The following C4orf54 variants were observed in gnomAD, a reference collection of about 807,000 sequenced individuals.
The protein encoded by C4orf54 is chromosome 4 open reading frame 54, also known as uncharacterized protein C4orf54.
A neutral mutation model predicts 80.1 loss-of-function variants in C4orf54; 67 were observed. That is an observed-to-expected ratio of 0.84 (90% CI 0.69 to 1.03). The LOEUF is 1.03. Ranked by LOEUF, C4orf54 falls within the 50% of genes least tolerant of loss-of-function variation. The pLI, the probability that C4orf54 is intolerant of heterozygous loss-of-function variation, is 0.00. For synonymous variants in C4orf54, 1,000 were observed against 917.0 expected, an observed-to-expected ratio of 1.09 and a Z score of -1.64; for missense variants, 2,434 against 2,253.5, an observed-to-expected ratio of 1.08 and a Z score of -1.62.
rs776253225 is a variant in C4orf54 at position 99,651,870 on chromosome 4, T to C, written c.2779A>G (p.Ser927Gly). 2.8e-5 allele frequency: 43 copies of C among 1,536,002 alleles called. No individual in the cohort carries two copies. In the East Asian group the frequency reaches 9.8e-4, roughly 35 times the overall value. ...GHTEVCEIKK[S>G]ASETVKGIFL... ...ATGCCCTTGACGGTCTCTGAGGCAC[T>C]CTTTTTAATTTCACACACTTCTGTG... The change falls in exon 2 of 3, where the codon AGT becomes GGT. Residue 927 changes from serine (S) to glycine (G), a missense_variant. Physicochemically the swap from Ser to Gly is moderately conservative, Grantham distance 56. Coordinates refer to ENST00000511828, the MANE Select transcript of C4orf54 (RefSeq NM_001354435.2).
At position 99,649,483 on chromosome 4, in the gene C4orf54, G is replaced by A. The variant is rs1418546825; in HGVS notation, c.5166C>T (p.Phe1722=). The A allele has an allele frequency of 1.3e-6, 2 of 1,536,194 alleles. No individual in the cohort carries two copies. The highest frequency in any genetic ancestry group is 8.7e-7 in the Non-Finnish European group (1 of 1,146,928). Residue 1722 remains phenylalanine, a synonymous_variant, in exon 2 of 3, where the codon TTC becomes TTT. Coordinates refer to ENST00000511828, the MANE Select transcript of C4orf54 (RefSeq NM_001354435.2). The part of the protein sequence containing the change: ...EPSSKEAAAT[F]TEAPYFMASG... ...AAGCCATGAAGTATGGGGCCTCGGT[G>A]AACGTTGCAGCTGCCTCTTTGCTGG...
chr4:99,636,587 A>G lies in C4orf54; in HGVS notation c.*4646T>C, dbSNP rs1029342033. ...AACAATAAAACATTTTTTTTCCAAA[A>G]CAGTCAAAATAAAAGACCATTACAC... is the stretch of plus-strand genomic sequence containing the variant. On this transcript the variant is annotated 3_prime_UTR_variant, in exon 3 of 3. Transcript: ENST00000511828. The G allele has an allele frequency of 6.6e-6, 1 of 152,106 alleles. No individual in the cohort carries two copies. Among genetic ancestry groups the G allele is most frequent in the Non-Finnish European group, 1.5e-5 (1 of 68,014 alleles). The allele number at this position is 152,106 out of a possible 1,614,324, so 9.4% of individuals were successfully genotyped here. A position where few individuals can be genotyped will look rare whatever the true frequency, so the allele number is the denominator to read the frequency against.
chr4:99,641,411 C>T (rs1164553087), intron 2 of C4orf54, among the ~76,000 whole-genome samples: 2 of 152,034 alleles, frequency 1.3e-5, no homozygotes, highest in African/African-American at 4.8e-5. Context: ...CAGGAAATTG[C>T]CCCAAGTGGA....
At chr4:99,642,473 G>T (rs1726622741) in intron 2 of C4orf54, among the ~76,000 whole-genome samples, 1 of 152,180 alleles carries the variant, frequency 6.6e-6, no homozygotes, top group Non-Finnish European at 1.5e-5. Context: ...GAGAAATCTG[G>T]TTATACAATC....
chr4:99,654,166 C>T lies in C4orf54; in HGVS notation c.483G>A (p.Val161=), dbSNP rs922506558. Residue 161 remains valine (V), a synonymous_variant, in exon 2 of 3, where the codon GTG becomes GTA. Coordinates refer to ENST00000511828, the MANE Select transcript of C4orf54 (RefSeq NM_001354435.2). ...ELNSKARQAE[V]GDGVSSAQDS... Reference sequence around the variant, plus strand: ...CTTGAGCACTGCTCACCCCGTCCCCCACCTCCGCCTGTCTTGCTTTCGAAT... The same window carrying T: ...CTTGAGCACTGCTCACCCCGTCCCCTACCTCCGCCTGTCTTGCTTTCGAAT... The T allele has an allele frequency of 2.0e-6, 3 of 1,536,076 alleles. No individual in the cohort carries two copies. Among genetic ancestry groups the T allele is most frequent in the Admixed American group, 2.0e-5 (1 of 50,986 alleles).
chr4:99,652,558 C>T lies in C4orf54; in HGVS notation c.2091G>A (p.Gly697=). 6.5e-7 allele frequency: 1 copy of T among 1,536,054 alleles called. No homozygotes were observed. Among genetic ancestry groups the T allele is most frequent in the Non-Finnish European group, 8.7e-7 (1 of 1,146,884 alleles). ...SVAAGLRKGS[G]ARATADQLYI... is the part of the protein sequence containing the mutation. ...AGAGCTGGTCGGCAGTGGCCCGGGC[C>T]CCACTGCCCTTCCTCAGACCTGCAG... is the stretch of plus-strand genomic sequence containing the variant. Residue 697 remains glycine (G), a synonymous_variant, in exon 2 of 3, where the codon GGG becomes GGA. Coordinates refer to ENST00000511828, the MANE Select transcript of C4orf54 (RefSeq NM_001354435.2).
At chr4:99,647,346 A>G (rs180947484) in intron 2 of C4orf54, among the ~76,000 whole-genome samples, 1 of 152,272 alleles carries the variant, frequency 6.6e-6, no homozygotes, top group Admixed American at 6.5e-5. Context: ...GTTGGTCCAA[A>G]ATAGCCCTAG....
In C4orf54 at chr4:99,654,278, T is replaced by A. The variant is rs1726938849; in HGVS notation, c.371A>T (p.Gln124Leu). 3 of 1,535,736 alleles carry A rather than the reference T, an allele frequency of 2.0e-6. No individual in the cohort carries two copies. Among genetic ancestry groups the A allele is most frequent in the Admixed American group, 2.0e-5 (1 of 50,986 alleles). The change falls in exon 2 of 3, where the codon CAA becomes CTA. Residue 124 changes from glutamine (Q) to leucine (L), a missense_variant. Coordinates refer to ENST00000511828, the MANE Select transcript of C4orf54 (RefSeq NM_001354435.2). ...ACAATGGTGATCGCTGGGGAAGTCT[T>A]GGGTCCGTCTCTGGCCCCGGAGGGG... ...LQPLRGQRRT[Q>L]DFPSDHHCLF...
chr4:99,644,830 G>A (rs1228777279), intron 2 of C4orf54, among the ~76,000 whole-genome samples: 1 of 143,684 alleles, frequency 7.0e-6, no homozygotes, highest in Non-Finnish European at 1.5e-5. Context: ...TGAAGTGAAT[G>A]GAAAATGAGA....
rs376511305 is a variant in C4orf54 at position 99,651,511 on chromosome 4, G to C, written c.3138C>G (p.Ala1046=). 72 of 1,536,170 alleles carry C rather than the reference G, an allele frequency of 4.7e-5. 2 individuals carry two copies. Among genetic ancestry groups the C allele is most frequent in the East Asian group, 4.2e-4 (17 of 40,890 alleles). ...CGGCCAGCTTGGGCGTGAGCAACTTGGCAATGTTGAAGTCTGAGCTCGGCT... is the reference window on the plus strand; with the variant it reads ...CGGCCAGCTTGGGCGTGAGCAACTTCGCAATGTTGAAGTCTGAGCTCGGCT... ...VQQPSSDFNI[A]KLLTPKLAGG... Residue 1046 remains alanine (A), a synonymous_variant, in exon 2 of 3, where the codon GCC becomes GCG. Transcript: ENST00000511828.
chr4:99,650,196 G>T lies in C4orf54; in HGVS notation c.4453C>A (p.Leu1485Ile). The change falls in exon 2 of 3, where the codon CTT becomes ATT. Residue 1485 changes from leucine to isoleucine, a missense_variant. Transcript: ENST00000511828. Reference protein sequence around the residue: ...LKGSSAAGELLSRPGASREGP... With the variant: ...LKGSSAAGELISRPGASREGP... Reference sequence around the variant, plus strand: ...TCCCTGGAAGCCCCAGGCCTGCTAAGAAGCTCCCCTGCAGCAGAGCTTCCT... The same window carrying T: ...TCCCTGGAAGCCCCAGGCCTGCTAATAAGCTCCCCTGCAGCAGAGCTTCCT... 1 of 1,536,032 alleles carries T rather than the reference G, an allele frequency of 6.5e-7. No homozygotes were observed. The highest frequency in any genetic ancestry group is 1.2e-5 in the South Asian group (1 of 84,042).
Position 99,653,905 on chromosome 4 carries a change from G to A in C4orf54, c.744C>T (p.Ala248=), listed in dbSNP as rs1196436865. 1 of 1,536,314 alleles carries A rather than the reference G, an allele frequency of 6.5e-7. No homozygotes were observed. The highest frequency in any genetic ancestry group is 2.4e-5 in the East Asian group (1 of 40,908). ...GCTGGGATCTAGAGAGTTGGGAGGA[G>A]GCAGGATTGTTCTGGGGGCTTGGAG... ...SKTPSPQNNP[A]SSQLSRSQHS... The change falls in exon 2 of 3, where the codon GCC becomes GCT. Residue 248 remains alanine (A), a synonymous_variant. Coordinates refer to ENST00000511828, the MANE Select transcript of C4orf54 (RefSeq NM_001354435.2).
rs772155568 is a variant in C4orf54 at position 99,653,562 on chromosome 4, C to T, written c.1087G>A (p.Glu363Lys). Residue 363 changes from glutamate (E) to lysine (K), a missense_variant, in exon 2 of 3, where the codon GAA (glutamate) becomes AAA (lysine). Physicochemically the swap from Glu to Lys is moderately conservative, Grantham distance 56 (BLOSUM62 1). Coordinates refer to ENST00000511828, the MANE Select transcript of C4orf54 (RefSeq NM_001354435.2). ...SQGSRDPPKV[E>K]EAHYITTHEI... is the part of the protein sequence containing the mutation. ...TGGGTGGTGATGTAGTGAGCCTCTT[C>T]GACTTTGGGGGGGTCCCTGCTGCCC... 111 of 1,535,974 alleles carry T rather than the reference C, an allele frequency of 7.2e-5. No homozygotes were observed. The highest frequency in any genetic ancestry group is 6.7e-4 in the Middle Eastern group (4 of 6,012).
At chr4:99,646,952 A>G (rs1054832681) in intron 2 of C4orf54, among the ~76,000 whole-genome samples, 1 of 152,166 alleles carries the variant, frequency 6.6e-6, no homozygotes, top group Non-Finnish European at 1.5e-5. Context: ...GTTTTGAAAA[A>G]TTTTTAATTC....
At position 99,638,412 on chromosome 4, in the gene C4orf54, A is replaced by T. The variant is rs528575605; in HGVS notation, c.*2821T>A. On this transcript the variant is annotated 3_prime_UTR_variant, in exon 3 of 3. Transcript: ENST00000511828. ...TTTCAAATATGACCATTTTATCAAC[A>T]AGTAAAAAGTGGATCTTCTGGAAAA... 6.6e-6 allele frequency: 1 copy of T among 152,280 alleles called. No homozygotes were observed. The highest frequency in any genetic ancestry group is 2.1e-4 in the South Asian group (1 of 4,828). The allele number at this position is 152,280 out of a possible 1,614,324, so 9.4% of individuals were successfully genotyped here. A position where few individuals can be genotyped will look rare whatever the true frequency, so the allele number is the denominator to read the frequency against.
intron 2 of C4orf54, 98 bp downstream of exon 2, chr4:99,649,133 G>T: frequency 1.7e-6 from 2 of 1,144,102 alleles, no homozygotes; most frequent in Non-Finnish European, 2.4e-6. Context: ...CATTTCTAGA[G>T]ACAGCCTCCT....
At position 99,650,899 on chromosome 4, in the gene C4orf54, G is replaced by A; in HGVS notation, c.3750C>T (p.Ala1250=). Reference sequence around the variant, plus strand: ...CAGTCAGCTTCTCCAGGGCATTCCGGGCTGGCTTCGTGGCTTTCCCTTCCT... The same window carrying A: ...CAGTCAGCTTCTCCAGGGCATTCCGAGCTGGCTTCGTGGCTTTCCCTTCCT... The part of the protein sequence containing the change: ...VKEEGKATKP[A]RNALEKLTAA... The change falls in exon 2 of 3, where the codon GCC becomes GCT. Residue 1250 remains alanine (A), a synonymous_variant. Coordinates refer to ENST00000511828, the MANE Select transcript of C4orf54 (RefSeq NM_001354435.2). 6.5e-7 allele frequency: 1 copy of A among 1,536,090 alleles called. No individual in the cohort carries two copies. The highest frequency in any genetic ancestry group is 8.7e-7 in the Non-Finnish European group (1 of 1,146,914).
At position 99,652,827 on chromosome 4, in the gene C4orf54, C is replaced by T. The variant is rs955919554; in HGVS notation, c.1822G>A (p.Gly608Arg). 4.6e-6 allele frequency: 7 copies of T among 1,536,122 alleles called. No homozygotes were observed. Among genetic ancestry groups the T allele is most frequent in the Non-Finnish European group, 6.1e-6 (7 of 1,146,914 alleles). Residue 608 changes from glycine (G) to arginine (R), a missense_variant, in exon 2 of 3, where the codon GGA becomes AGA. Transcript: ENST00000511828. ...AGTTCGCTCACGGCACTGGAGGCTC[C>T]GCTGGAGTAGTCCACCAGCTCCTTC... ...RAKELVDYSS[G>R]ASSAVSELDD...
At chr4:99,656,314 C>G (rs72908757) in intron 1 of C4orf54, among the ~76,000 whole-genome samples, 2,901 of 150,734 alleles carry the variant, frequency 0.019, 83 homozygotes, top group African/African-American at 0.066. Context: ...GAGACTTACT[C>G]TATTGCCTAG....
Sources: gnomAD v4.1 joint callset for allele counts (sites outside exome capture counted in the v4.1 genomes callset) on GRCh38, gnomAD v4.1.1 for gene constraint, MANE v1.5 for transcripts, NCBI Gene and HGNC (gene_info 2026-07-23, HGNC 2026-07-21) for gene names.